The following WNT3 variants were observed in gnomAD, a reference collection of about 807,000 sequenced individuals.
WNT3 encodes proto-oncogene Wnt-3.
A neutral mutation model predicts 34.2 loss-of-function variants in WNT3; 7 were observed. The observed-to-expected ratio is 0.20, with a 90% CI of 0.12 to 0.38. The LOEUF is 0.38. WNT3 is among the 10% of genes least tolerant of loss of function. The pLI, the probability that WNT3 is intolerant of heterozygous loss-of-function variation, is 1.00. For synonymous variants in WNT3, 212 were observed against 211.5 expected (o/e 1.00, Z -0.02); for missense variants, 267 against 499.8 (o/e 0.53, Z 4.44).
At position 46,768,847 on chromosome 17, in the gene WNT3, G is replaced by A. The variant is rs1366619014; in HGVS notation, c.589-48C>T. 1.9e-6 allele frequency: 3 copies of A among 1,593,562 alleles called. No individual in the cohort carries two copies. Among genetic ancestry groups the A allele is most frequent in the African/African-American group, 1.3e-5 (1 of 74,762 alleles). On this transcript the variant is annotated intron_variant, in intron 3 of 4. Coordinates refer to ENST00000225512, the MANE Select transcript of WNT3 (RefSeq NM_030753.5). This position sits in a 1 kb window ranked among gnomAD's most constrained non-coding sequence, Gnocchi z 5.0. ...GGCCAACAGACCGACCCCACGAGGG[G>A]GCACATCCAGGCCTTCCCTCTCTGC...
At chr17:46,818,233 C>T (rs376338220) in intron 1 of WNT3, among the ~76,000 whole-genome samples, 1 of 151,926 alleles carries the variant, frequency 6.6e-6, no homozygotes, top group Admixed American at 6.6e-5. Context: ...TAGATTGGGA[C>T]GGGCAGAGGG....
At chr17:46,785,171 C>T (rs1255453362) in intron 1 of WNT3, among the ~76,000 whole-genome samples, 3 of 152,206 alleles carry the variant, frequency 2.0e-5, no homozygotes, top group Non-Finnish European at 4.4e-5. Flanking sequence ...TGGGACCTCC[C>T]AGCCCTAACC....
At chr17:46,785,414 C>T (rs574665409) in intron 1 of WNT3, among the ~76,000 whole-genome samples, 4 of 152,302 alleles carry the variant, frequency 2.6e-5, no homozygotes, top group Non-Finnish European at 4.4e-5. Flanking sequence ...CAGTGATCCA[C>T]GCCATAGGAG....
intron 1 of WNT3, among the ~76,000 whole-genome samples, chr17:46,775,893 G>A (rs1014800357): frequency 2.6e-5 from 4 of 152,056 alleles, no homozygotes; most frequent in Admixed American, 6.6e-5. Context: ...GATTACAGGC[G>A]CGAGCCACCA....
At chr17:46,800,518 T>G (rs1050647376) in intron 1 of WNT3, among the ~76,000 whole-genome samples, 5 of 115,666 alleles carry the variant, frequency 4.3e-5, no homozygotes, top group African/African-American at 1.4e-4. Context: ...AGGGGCTGAC[T>G]CTTACACTGG....
chr17:46,771,893 TGCCCCC>T (rs1282212413), intron 2 of WNT3, among the ~76,000 whole-genome samples: 1 of 103,330 alleles, frequency 9.7e-6, no homozygotes, highest in East Asian at 2.5e-4. Flanking sequence ...CCCCCGCCCC[TGCCCCC>T]GCCCCCGCCT....
intron 1 of WNT3, among the ~76,000 whole-genome samples, chr17:46,782,369 C>T (rs1200836628): frequency 6.6e-6 from 1 of 152,150 alleles, no homozygotes; most frequent in Non-Finnish European, 1.5e-5. Flanking sequence ...TGGTGGGGGC[C>T]ACGGTGCTCC....
At chr17:46,764,945 G>A (rs566085108) in intron 4 of WNT3, among the ~76,000 whole-genome samples, 20 of 152,362 alleles carry the variant, frequency 1.3e-4, no homozygotes, top group African/African-American at 4.1e-4. Context: ...GTGCCTGGCC[G>A]AGGGCCCAGT....
chr17:46,771,064 T>C (rs115060764), intron 2 of WNT3, among the ~76,000 whole-genome samples: 1 of 152,166 alleles, frequency 6.6e-6, no homozygotes, highest in Non-Finnish European at 1.5e-5. Flanking sequence ...CCTCCCCTCC[T>C]GGGCTGTGGG....
intron 1 of WNT3, among the ~76,000 whole-genome samples, chr17:46,783,464 T>A (rs2059478810): frequency 6.6e-6 from 1 of 152,230 alleles, no homozygotes; most frequent in Non-Finnish European, 1.5e-5. Flanking sequence ...TGGAGATTAA[T>A]GAAGCCACAC....
chr17:46,814,312 C>G (rs534623132), intron 1 of WNT3, among the ~76,000 whole-genome samples: 2 of 152,218 alleles, frequency 1.3e-5, no homozygotes, highest in Non-Finnish European at 2.9e-5. Context: ...TCAGCTCAGG[C>G]TCTTGGTATT....
At chr17:46,816,273 C>T (rs1174390602) in intron 1 of WNT3, among the ~76,000 whole-genome samples, 1 of 152,062 alleles carries the variant, frequency 6.6e-6, no homozygotes, top group East Asian at 1.9e-4. Flanking sequence ...TACACATGTA[C>T]ATACACACAT....
At chr17:46,812,805 C>T (rs2084293458) in intron 1 of WNT3, among the ~76,000 whole-genome samples, 1 of 152,192 alleles carries the variant, frequency 6.6e-6, no homozygotes, top group Non-Finnish European at 1.5e-5. Context: ...TTCAGTGAGC[C>T]AATAGCTTGC....
rs933553307 is a variant in WNT3, at chr17:46,763,844, AAAC to A, written c.*783_*785del. The A allele has an allele frequency of 3.1e-5, 4 of 127,706 alleles. No individual in the cohort carries two copies. Among genetic ancestry groups the A allele is most frequent in the African/African-American group, 1.3e-4 (3 of 23,892 alleles). 7.9% of individuals were successfully genotyped at this position (127,706 alleles called of 1,614,324 possible). ...GTCCACTACCACCAAAAAAAAAAAA[AAAC>A]AAAAAAACAAAAAAAAAACTGCATT... On this transcript the variant is annotated 3_prime_UTR_variant, in exon 5 of 5. Coordinates refer to ENST00000225512, the MANE Select transcript of WNT3 (RefSeq NM_030753.5).
chr17:46,771,261 G>A (rs1412044772), intron 2 of WNT3, among the ~76,000 whole-genome samples: 1 of 152,148 alleles, frequency 6.6e-6, no homozygotes, highest in Non-Finnish European at 1.5e-5. Context: ...CGAGGACGGC[G>A]GCAAGGGGGC....
Position 46,770,300 on chromosome 17 carries a change from G to C in WNT3, c.323-252C>G, listed in dbSNP as rs73321083. Among the ~76,000 whole-genome samples, 3,002 of 152,338 alleles carry C rather than the reference G, an allele frequency of 0.02. 116 individuals carry two copies. Among genetic ancestry groups the C allele is most frequent in the African/African-American group, 0.068 (2,837 of 41,564 alleles). ...TTAGCTCAGGACCTCAAATGCCACA[G>C]GGCAAAGCAGTGCCTGTTAGAAACA... On this transcript the variant is annotated intron_variant, in intron 2 of 4. Coordinates refer to ENST00000225512, the MANE Select transcript of WNT3 (RefSeq NM_030753.5).
At chr17:46,786,457 G>A (rs1003858639) in intron 1 of WNT3, among the ~76,000 whole-genome samples, 9 of 152,218 alleles carry the variant, frequency 5.9e-5, no homozygotes, top group African/African-American at 2.2e-4. Context: ...TCCAGAGACG[G>A]GTAAAAGGCA....
Position 46,768,323 on chromosome 17 carries a change from C to T in WNT3, c.1065G>A (p.Lys355=), listed in dbSNP as rs551311555. ...CIRIYDVHTC[K] is the part of the protein sequence containing the mutation. Reference sequence around the variant, plus strand: ...TCCCGGAGCCCTACCTGGTGCCCTACTTGCAGGTGTGCACGTCGTAGATGC... The same window carrying T: ...TCCCGGAGCCCTACCTGGTGCCCTATTTGCAGGTGTGCACGTCGTAGATGC... The change falls in exon 4 of 5, where the codon AAG becomes AAA. Residue 355 remains lysine (K), a synonymous_variant. Transcript: ENST00000225512. This position sits in a 1 kb window ranked among gnomAD's most constrained non-coding sequence, Gnocchi z 5.0. 1.9e-6 allele frequency: 3 copies of T among 1,613,642 alleles called. No individual in the cohort carries two copies. In the South Asian group the frequency reaches 3.3e-5, roughly 18 times the overall value.
At chr17:46,791,323 C>G (rs543309346) in intron 1 of WNT3, among the ~76,000 whole-genome samples, 2 of 152,104 alleles carry the variant, frequency 1.3e-5, no homozygotes, top group Non-Finnish European at 2.9e-5. Flanking sequence ...AAGCGATTCT[C>G]CTCCTGAGTA....
Sources: allele counts gnomAD v4.1 joint callset (sites outside exome capture counted in the v4.1 genomes callset), GRCh38; gene constraint gnomAD v4.1.1; non-coding constraint Gnocchi (gnomAD v3.1); transcripts MANE v1.5; gene names NCBI Gene and HGNC (gene_info 2026-07-23, HGNC 2026-07-21).